SPECC1: variants seen among roughly 807,000 people sequenced by gnomAD.
SPECC1 encodes the protein sperm antigen with calponin homology and coiled-coil domains 1, also known as cytospin-B.
SPECC1 carries 62 observed loss-of-function variants against 104.1 expected under a neutral mutation model. The observed-to-expected ratio is 0.60, with a 90% CI of 0.49 to 0.74. SPECC1 has a LOEUF of 0.74. SPECC1 is among the 30% of genes least tolerant of loss of function. The probability of loss-of-function intolerance (pLI) is 0.00; values close to 1 mark genes in which losing one functional copy is unlikely to be tolerated. For synonymous variants in SPECC1, 513 were observed against 501.6 expected (o/e 1.02, Z -0.30); for missense variants, 1,306 against 1,310.5 (o/e 1.00, Z 0.05).
At chr17:20,076,213 C>T (rs1171242822) in intron 1 of SPECC1, among the ~76,000 whole-genome samples, 1 of 152,120 alleles carries the variant, frequency 6.6e-6, no homozygotes, top group African/African-American at 2.4e-5. Flanking sequence ...CTATATTATT[C>T]TTTTGAGACA....
intron 3 of SPECC1, among the ~76,000 whole-genome samples, chr17:20,118,744 A>G (rs2048884165): frequency 6.6e-6 from 1 of 152,158 alleles, no homozygotes; most frequent in African/African-American, 2.4e-5. Context: ...CATTTTAAAC[A>G]TATGCATACA....
chr17:20,225,672 T>C (rs2038154993), intron 4 of SPECC1, among the ~76,000 whole-genome samples: 1 of 152,110 alleles, frequency 6.6e-6, no homozygotes, highest in Non-Finnish European at 1.5e-5. Context: ...AGACGGTCTT[T>C]CCTCCCCTCT....
chr17:20,140,446 C>T (rs983691998), intron 3 of SPECC1, among the ~76,000 whole-genome samples: 1 of 152,168 alleles, frequency 6.6e-6, no homozygotes, highest in Non-Finnish European at 1.5e-5. Context: ...AGTGACTCAT[C>T]TTCATTGAGT....
At chr17:20,172,730 A>AGTGG (rs1567901204) in intron 3 of SPECC1, among the ~76,000 whole-genome samples, 1 of 152,212 alleles carries the variant, frequency 6.6e-6, no homozygotes, top group African/African-American at 2.4e-5. Context: ...TGTGCCCACT[A>AGTGG]GCCCTTGATG....
chr17:20,231,429 C>T (rs2038570498), intron 5 of SPECC1, among the ~76,000 whole-genome samples: 1 of 152,166 alleles, frequency 6.6e-6, no homozygotes, highest in Admixed American at 6.5e-5. Context: ...CGAGGGAGGC[C>T]GGACTCGGTA....
chr17:20,106,642 C>T (rs1460596659), intron 2 of SPECC1, among the ~76,000 whole-genome samples: 2 of 152,192 alleles, frequency 1.3e-5, no homozygotes, highest in African/African-American at 4.8e-5. Context: ...TTCCCCTGCA[C>T]ATGCTCTCTC....
chr17:20,223,013 TCTTA>T (rs1269960935), intron 4 of SPECC1, among the ~76,000 whole-genome samples: 6 of 152,204 alleles, frequency 3.9e-5, no homozygotes, highest in Admixed American at 3.9e-4. Context: ...TATTAAAATG[TCTTA>T]CTTGGGCAAA....
chr17:20,277,123 T>G (rs1359678689), intron 12 of SPECC1, among the ~76,000 whole-genome samples: 2 of 152,228 alleles, frequency 1.3e-5, no homozygotes, highest in Non-Finnish European at 2.9e-5. Flanking sequence ...GGGACAGATG[T>G]GGCCCATTCA....
At chr17:20,289,840 G>C (rs566247085) in intron 12 of SPECC1, among the ~76,000 whole-genome samples, 1 of 152,274 alleles carries the variant, frequency 6.6e-6, no homozygotes, top group East Asian at 1.9e-4. Context: ...AATGTTCTTG[G>C]AGCGAGTGTT....
At chr17:20,309,821 T>C (rs1389063305) in intron 14 of SPECC1, among the ~76,000 whole-genome samples, 24 of 146,174 alleles carry the variant, frequency 1.6e-4, no homozygotes, top group African/African-American at 5.3e-4. Flanking sequence ...TTTTCTTTTT[T>C]TTTTTTTTTT....
intron 5 of SPECC1, among the ~76,000 whole-genome samples, chr17:20,228,373 C>A (rs2038365839): frequency 6.6e-6 from 1 of 152,056 alleles, no homozygotes; most frequent in Non-Finnish European, 1.5e-5. Flanking sequence ...TTTGGCTGTG[C>A]TGGATGTGTT....
At chr17:20,040,272 C>T (rs2045271975) in intron 1 of SPECC1, among the ~76,000 whole-genome samples, 6 of 152,058 alleles carry the variant, frequency 3.9e-5, no homozygotes, top group African/African-American at 1.4e-4. Context: ...GAAACCTATA[C>T]TTTCCCCATT....
At chr17:20,278,969 T>C (rs992554980) in intron 12 of SPECC1, among the ~76,000 whole-genome samples, 5 of 152,212 alleles carry the variant, frequency 3.3e-5, no homozygotes, top group African/African-American at 1.2e-4. Context: ...ATGGGCTGTT[T>C]GTCCCCAGCT....
intron 12 of SPECC1, among the ~76,000 whole-genome samples, chr17:20,288,663 G>A (rs946441022): frequency 2.0e-5 from 3 of 151,568 alleles, no homozygotes; most frequent in African/African-American, 4.9e-5. Context: ...TTATCATGCT[G>A]TTGATAAAGA....
chr17:20,020,471 C>T (rs576233003), intron 1 of SPECC1, among the ~76,000 whole-genome samples: 3 of 152,160 alleles, frequency 2.0e-5, no homozygotes, highest in East Asian at 1.9e-4. Flanking sequence ...GAGTAGCTAA[C>T]TACAGGCATG....
chr17:20,295,454 A>G (rs1210271884), intron 12 of SPECC1, among the ~76,000 whole-genome samples: 1 of 152,058 alleles, frequency 6.6e-6, no homozygotes, highest in African/African-American at 2.4e-5. Flanking sequence ...GGTCTTTGCT[A>G]TAGTGATTAG....
intron 3 of SPECC1, among the ~76,000 whole-genome samples, chr17:20,145,512 C>T (rs1381487488): frequency 1.3e-5 from 2 of 152,186 alleles, no homozygotes; most frequent in Non-Finnish European, 2.9e-5. Context: ...GAGATAACTA[C>T]TAGAGTTCTG....
intron 4 of SPECC1, among the ~76,000 whole-genome samples, chr17:20,216,527 G>A (rs2037499483): frequency 6.6e-6 from 1 of 152,034 alleles, no homozygotes; most frequent in African/African-American, 2.4e-5. Context: ...TGTGGGGGTG[G>A]GGTGGGTGGA....
chr17:20,134,598 C>G (rs2049828543), intron 3 of SPECC1, among the ~76,000 whole-genome samples: 1 of 152,074 alleles, frequency 6.6e-6, no homozygotes, highest in South Asian at 2.1e-4. Flanking sequence ...GAGAAAGGTA[C>G]TTCTTATTGC....
Sources: allele counts gnomAD v4.1 joint callset (sites outside exome capture counted in the v4.1 genomes callset), GRCh38; gene constraint gnomAD v4.1.1; transcripts MANE v1.5; gene names NCBI Gene and HGNC (gene_info 2026-07-23, HGNC 2026-07-21).